LRRC37B: variants seen among roughly 807,000 people sequenced by gnomAD.
LRRC37B encodes leucine rich repeat containing 37B.
In LRRC37B, 28 loss-of-function variants were observed where a neutral mutation model predicts 98.3. That is an observed-to-expected ratio of 0.28 (90% confidence interval 0.21 to 0.39). The LOEUF is 0.39. LRRC37B is among the 10% of genes least tolerant of loss of function. LRRC37B has a pLI of 1.00. For synonymous variants in LRRC37B, 364 were observed against 442.7 expected (o/e 0.82, Z 2.23); for missense variants, 938 against 1,182.7 (o/e 0.79, Z 3.03).
intron 7 of LRRC37B, among the ~76,000 whole-genome samples, chr17:32,037,877 G>A (rs1911294836): frequency 6.6e-6 from 1 of 152,104 alleles, no homozygotes; most frequent in Non-Finnish European, 1.5e-5. Flanking sequence ...GGAGGCCAAG[G>A]CGGGTGGATC....
At chr17:32,035,826 T>TTTCTGTCACCAGAAG in intron 7 of LRRC37B, 187 bp downstream of exon 10, 1 of 587,422 alleles carries the variant, frequency 1.7e-6, no homozygotes, top group Non-Finnish European at 2.7e-6. Context: ...ATATAAAGCA[T>TTTCTGTCACCAGAAG]TTCTGTCACC....
chr17:32,021,505 A>T (rs780013500), exon 1 of LRRC37B: 1 of 1,614,066 alleles, frequency 6.2e-7, no homozygotes, highest in Admixed American at 1.7e-5. Flanking sequence ...GCACATCAGG[A>T]CTTAAATGAC....
chr17:32,019,467 T>G (rs1910716117), upstream of LRRC37B, among the ~76,000 whole-genome samples: 1 of 152,180 alleles, frequency 6.6e-6, no homozygotes, highest in Non-Finnish European at 1.5e-5. Flanking sequence ...TCTCAAGCTC[T>G]TCACATGGCA....
At chr17:32,010,884 C>T (rs1279425750) in intron 1 of LRRC37B, among the ~76,000 whole-genome samples, 3 of 152,158 alleles carry the variant, frequency 2.0e-5, no homozygotes, top group Non-Finnish European at 4.4e-5. Flanking sequence ...ATATGCGATA[C>T]TTGTCTTTCT....
upstream of LRRC37B, among the ~76,000 whole-genome samples, chr17:32,017,664 G>A (rs137988757): frequency 1.3e-5 from 2 of 152,126 alleles, no homozygotes; most frequent in Non-Finnish European, 2.9e-5. Flanking sequence ...GCCGGGCAGA[G>A]GGGAGTAGTC....
upstream of LRRC37B, chr17:32,020,907 C>A: frequency 3.3e-6 from 4 of 1,213,658 alleles, no homozygotes; most frequent in Non-Finnish European, 4.3e-6. Flanking sequence ...CGGCCCAAAT[C>A]CTTCCTCACT....
chr17:32,025,888 A>G (rs1366736037), intron 2 of LRRC37B, among the ~76,000 whole-genome samples: 1 of 152,236 alleles, frequency 6.6e-6, no homozygotes, highest in Non-Finnish European at 1.5e-5. Flanking sequence ...ACACCTTTTC[A>G]CTGTTGGGAA....
intron 1 of LRRC37B, among the ~76,000 whole-genome samples, chr17:32,023,545 G>T (rs1306153522): frequency 6.6e-6 from 1 of 152,126 alleles, no homozygotes; most frequent in East Asian, 1.9e-4. Context: ...TTATTAGCTT[G>T]GTGATCCAGA....
intron 3 of LRRC37B, among the ~76,000 whole-genome samples, chr17:32,029,213 G>GGAT (rs1279716828): frequency 1.2e-4 from 19 of 152,074 alleles, no homozygotes; most frequent in Admixed American, 1.0e-3. Context: ...TTGTTAGCCA[G>GGAT]GATCTCAATA....
At chr17:32,049,922 G>A in intron 10 of LRRC37B, 81 bp from the exon 14 acceptor site, 3 of 825,346 alleles carry the variant, frequency 3.6e-6, no homozygotes, top group Admixed American at 2.6e-5. Context: ...GCATACTGGG[G>A]TTTTGAAAAG....
At chr17:32,040,856 G>A in intron 7 of LRRC37B, 3 of 826,030 alleles carry the variant, frequency 3.6e-6, no homozygotes, top group Non-Finnish European at 4.3e-6. Context: ...ACCTCCTCCA[G>A]AACCTGTGTG....
exon 1 of LRRC37B, chr17:32,022,141 A>G: frequency 1.2e-6 from 2 of 1,613,668 alleles, no homozygotes; most frequent in Non-Finnish European, 1.7e-6. Flanking sequence ...CCAGGTGAGG[A>G]TCAAGCTCAT....
chr17:32,047,337 G>A (rs1009039068), intron 8 of LRRC37B: 3 of 227,210 alleles, frequency 1.3e-5, no homozygotes, highest in African/African-American at 4.5e-5. Flanking sequence ...GCAAGAACAC[G>A]GGCACACTGA....
intron 2 of LRRC37B, among the ~76,000 whole-genome samples, chr17:32,027,121 A>G (rs1344731965): frequency 6.6e-6 from 1 of 152,210 alleles, no homozygotes; most frequent in African/African-American, 2.4e-5. Context: ...GATGGGGGAA[A>G]AATGTTGAAT....
upstream of LRRC37B, among the ~76,000 whole-genome samples, chr17:32,007,395 G>A (rs1464521619): frequency 6.6e-6 from 1 of 152,166 alleles, no homozygotes; most frequent in Non-Finnish European, 1.5e-5. This position sits in a 1 kb window ranked among gnomAD's most constrained non-coding sequence, Gnocchi z 4.1. Context: ...CCGCGCTCCT[G>A]TAGAGGGAAG....
At chr17:32,045,667 C>T in intron 7 of LRRC37B, 33 bp from the exon 11 acceptor site, 1 of 1,603,344 alleles carries the variant, frequency 6.2e-7, no homozygotes, top group Non-Finnish European at 8.5e-7. Context: ...ACCGCTTTAC[C>T]ACTAATTTAT....
At chr17:32,037,287 A>T (rs1166950038) in intron 7 of LRRC37B, among the ~76,000 whole-genome samples, 1 of 151,658 alleles carries the variant, frequency 6.6e-6, no homozygotes, top group Non-Finnish European at 1.5e-5. Context: ...AGCCCAGCAG[A>T]TATTTTTTTG....
chr17:32,022,689 T>A (rs1300797398), exon 1 of LRRC37B: 7 of 1,613,886 alleles, frequency 4.3e-6, no homozygotes. Context: ...ACAGAAGGCC[T>A]CCACAAGCAC....
At chr17:32,012,455 G>A (rs1216474708) in intron 1 of LRRC37B, among the ~76,000 whole-genome samples, 2 of 152,192 alleles carry the variant, frequency 1.3e-5, no homozygotes, top group African/African-American at 2.4e-5. Context: ...GGTGGCTCAC[G>A]CCTGTAATCC....
Sources: gnomAD v4.1 joint callset for allele counts (sites outside exome capture counted in the v4.1 genomes callset) on GRCh38, gnomAD v4.1.1 for gene constraint, Gnocchi (gnomAD v3.1) non-coding constraint, MANE v1.5 for transcripts, NCBI Gene and HGNC (gene_info 2026-07-23, HGNC 2026-07-21) for gene names.